BUB1B: variants seen among roughly 807,000 people sequenced by gnomAD.
The protein encoded by BUB1B is mitotic checkpoint serine/threonine-protein kinase BUB1 beta.
A neutral mutation model predicts 137.7 loss-of-function variants in BUB1B; 86 were observed. The observed-to-expected ratio is 0.62, with a 90% CI of 0.52 to 0.75. The LOEUF is 0.75. BUB1B is among the 30% of genes least tolerant of loss of function. BUB1B has a pLI of 0.00. For missense variants in BUB1B, 1,130 were observed against 1,236.9 expected (o/e 0.91, Z 1.30); for synonymous variants, 420 against 417.9 (o/e 1.00, Z -0.06).
At chr15:40,194,904 T>A (rs1389653132) in intron 8 of BUB1B, among the ~76,000 whole-genome samples, 1 of 152,246 alleles carries the variant, frequency 6.6e-6, no homozygotes, top group Non-Finnish European at 1.5e-5. Context: ...ATAAGTAATA[T>A]AAGCTACTTG....
intron 14 of BUB1B, among the ~76,000 whole-genome samples, chr15:40,205,690 A>G (rs1482981118): frequency 6.6e-6 from 1 of 152,206 alleles, no homozygotes; most frequent in Admixed American, 6.5e-5. Context: ...TACAAAAAGT[A>G]TGAGAAAGAG....
At chr15:40,214,740 G>C (rs1043714056) in intron 20 of BUB1B, among the ~76,000 whole-genome samples, 6 of 152,178 alleles carry the variant, frequency 3.9e-5, no homozygotes, top group African/African-American at 1.4e-4. Flanking sequence ...TAATGTAGCA[G>C]CATTTCTCAT....
chr15:40,176,188 C>T (rs182539679), intron 4 of BUB1B, among the ~76,000 whole-genome samples: 150 of 152,206 alleles, frequency 9.9e-4, no homozygotes, highest in African/African-American at 2.8e-3. Flanking sequence ...TAACCTCAAG[C>T]GATCCTCCTA....
At chr15:40,173,320 T>C (rs1179435401) in intron 4 of BUB1B, among the ~76,000 whole-genome samples, 1 of 142,400 alleles carries the variant, frequency 7.0e-6, no homozygotes, top group African/African-American at 2.6e-5. Context: ...AAAAAAAAGA[T>C]TGGACTAGCT....
rs907808979 is a variant in BUB1B, at chr15:40,164,931, T to G, written c.36-122T>G. On this transcript the variant is annotated intron_variant, in intron 1 of 22. Transcript: ENST00000287598. ...GCATATAATAATAATAATAATTATG[T>G]GTCAGTCCACTATATTCAACCCAAG... 9 of 1,188,374 alleles carry G rather than the reference T, an allele frequency of 7.6e-6. No individual in the cohort carries two copies. The African/African-American group carries it at 1.4e-4, about 18-fold the overall frequency. The allele number at this position is 1,188,374 out of a possible 1,614,324, so 73.6% of individuals were successfully genotyped here.
At chr15:40,164,926 T>TAA (rs2037077736) in intron 1 of BUB1B, 127 bp from the exon 2 acceptor site, 88 of 1,147,014 alleles carry the variant, frequency 7.7e-5, no homozygotes, top group Non-Finnish European at 8.5e-5. Flanking sequence ...ATAATAATAA[T>TAA]TATGTGTCAG....
chr15:40,172,197 ATAAAG>A (rs969609379), intron 4 of BUB1B, among the ~76,000 whole-genome samples: 12 of 152,070 alleles, frequency 7.9e-5, no homozygotes, highest in African/African-American at 2.9e-4. Flanking sequence ...AAATAAAGTA[ATAAAG>A]TAAGAAATAA....
chr15:40,165,658 T>C (rs139375607), intron 2 of BUB1B, among the ~76,000 whole-genome samples: 4 of 152,332 alleles, frequency 2.6e-5, no homozygotes, highest in South Asian at 2.1e-4. Context: ...AAAATACTCT[T>C]ATGTTATTCA....
At chr15:40,210,065 A>G (rs1257781513) in intron 17 of BUB1B, 45 bp from the exon 18 acceptor site, 6 of 1,462,078 alleles carry the variant, frequency 4.1e-6, no homozygotes, top group African/African-American at 2.8e-5. Context: ...ACAGGGCTGT[A>G]TATGTTCACA....
At position 40,180,107 on chromosome 15, in the gene BUB1B, A is replaced by C. The variant is rs546481764; in HGVS notation, c.581+3434A>C. On this transcript the variant is annotated intron_variant, in intron 5 of 22. Transcript: ENST00000287598. ...GTATCATTTCCCTTCAGTCTGAAGA[A>C]CTTCTTTTAGCCACTTTCTTTTAGA... 1.4e-3 allele frequency among the ~76,000 whole-genome samples: 213 copies of C among 151,608 alleles called. 1 individual carries two copies. The highest frequency in any genetic ancestry group is 5.1e-3 in the African/African-American group (209 of 41,336).
intron 5 of BUB1B, 41 bp downstream of exon 5, chr15:40,176,714 A>G (rs1286579049): frequency 1.9e-6 from 3 of 1,590,556 alleles, no homozygotes; most frequent in South Asian, 1.1e-5. Context: ...TAAAAATAAT[A>G]GAAATAAATT....
In BUB1B at chr15:40,221,118, G is replaced by C; in HGVS notation, c.*359G>C. ...TTTTGTAAATAATAAAATAGTATCT[G>C]TTAAATTTGTGCTTCTAACATGTCA... On this transcript the variant is annotated 3_prime_UTR_variant, in exon 23 of 23. Transcript: ENST00000287598. The C allele has an allele frequency of 3.2e-6, 1 of 311,326 alleles. No homozygotes were observed. The highest frequency in any genetic ancestry group is 4.8e-5 in the South Asian group (1 of 20,698). 19.3% of individuals were successfully genotyped at this position (311,326 alleles called of 1,614,324 possible).
chr15:40,170,887 T>G (rs1011122372), intron 4 of BUB1B, among the ~76,000 whole-genome samples: 4 of 152,266 alleles, frequency 2.6e-5, no homozygotes, highest in Middle Eastern at 3.4e-3. Context: ...TTTTCGCCCT[T>G]TTAAGATTGA....
intron 21 of BUB1B, among the ~76,000 whole-genome samples, chr15:40,218,192 A>T (rs1187706543): frequency 6.6e-6 from 1 of 152,230 alleles, no homozygotes; most frequent in Non-Finnish European, 1.5e-5. Flanking sequence ...AGTTCATGCA[A>T]ACTCAGTAGG....
chr15:40,161,380 C>G, intron 1 of BUB1B, 125 bp downstream of exon 1: 1 of 1,145,246 alleles, frequency 8.7e-7, no homozygotes, highest in Non-Finnish European at 1.2e-6. Context: ...CCACCGGAGC[C>G]TCCTTCCTTT....
At chr15:40,175,759 T>C (rs2037216565) in intron 4 of BUB1B, among the ~76,000 whole-genome samples, 3 of 152,212 alleles carry the variant, frequency 2.0e-5, no homozygotes, top group Admixed American at 1.3e-4. Context: ...TAGCTTGATA[T>C]TCAAGACCTA....
intron 19 of BUB1B, 67 bp downstream of exon 19, chr15:40,212,715 G>A: frequency 6.9e-7 from 1 of 1,447,874 alleles, no homozygotes; most frequent in Non-Finnish European, 9.6e-7. Context: ...TTTAGCAAAG[G>A]AATTTAGTAC....
In BUB1B at chr15:40,220,911, C is replaced by G. The variant is rs1056190704; in HGVS notation, c.*152C>G. Reference sequence around the variant, plus strand: ...TTGGTACAGGTATATTTTGACGTCACTGATATTTTTTATACAGTGATATAC... The same window carrying G: ...TTGGTACAGGTATATTTTGACGTCAGTGATATTTTTTATACAGTGATATAC... On this transcript the variant is annotated 3_prime_UTR_variant, in exon 23 of 23. Transcript: ENST00000287598. 6.0e-6 allele frequency: 5 copies of G among 836,436 alleles called. No individual in the cohort carries two copies. The African/African-American group carries it at 8.5e-5, about 14-fold the overall frequency. The allele number at this position is 836,436 out of a possible 1,614,324, so 51.8% of individuals were successfully genotyped here.
chr15:40,209,567 T>C (rs1055030893), intron 16 of BUB1B, 68 bp from the exon 17 acceptor site: 44 of 1,586,458 alleles, frequency 2.8e-5, no homozygotes, highest in Non-Finnish European at 3.5e-5. Flanking sequence ...TCTACTCTGT[T>C]ATAATATCCA....
Sources: allele counts gnomAD v4.1 joint callset (sites outside exome capture counted in the v4.1 genomes callset), GRCh38; gene constraint gnomAD v4.1.1; transcripts MANE v1.5; gene names NCBI Gene and HGNC (gene_info 2026-07-23, HGNC 2026-07-21).